Variants in NRXN3 observed in about 807,000 individuals in gnomAD.
NRXN3 encodes neurexin III.
In NRXN3, 32 loss-of-function variants were observed where a neutral mutation model predicts 137.6. That is an observed-to-expected ratio of 0.23 (90% CI 0.18 to 0.31). The LOEUF (loss-of-function observed/expected upper bound fraction) is 0.31. NRXN3 is among the 10% of genes least tolerant of loss of function. NRXN3 has a pLI of 1.00. For missense variants in NRXN3, 1,574 were observed against 2,062.5 expected (o/e 0.76, Z 4.59); for synonymous variants, 798 against 784.5 (o/e 1.02, Z -0.29).
chr14:78,814,170 C>G lies in NRXN3; in HGVS notation c.2275+3826C>G, dbSNP rs1398720138. Among the ~76,000 whole-genome samples, 3 of 152,150 alleles carry G rather than the reference C, an allele frequency of 2.0e-5. No homozygotes were observed. The East Asian group carries it at 5.8e-4, about 29-fold the overall frequency. ...GTCTTTGGTTGAATCAAGTTTGTTG[C>G]TGAATTTGATTCATCTGGCGGGAAT... On this transcript the variant is annotated intron_variant, in intron 10 of 20. Coordinates refer to ENST00000335750, the MANE Select transcript of NRXN3 (RefSeq NM_001330195.2).
chr14:79,468,540 A>G (rs2096459276), intron 16 of NRXN3, among the ~76,000 whole-genome samples: 2 of 152,244 alleles, frequency 1.3e-5, no homozygotes, highest in Middle Eastern at 3.2e-3. Context: ...AGGAACATTG[A>G]TTAGGAATCT....
intron 15 of NRXN3, among the ~76,000 whole-genome samples, chr14:79,297,378 C>A (rs2084360369): frequency 6.6e-6 from 1 of 152,032 alleles, no homozygotes; most frequent in Non-Finnish European, 1.5e-5. Context: ...ATGTCCCATG[C>A]AATATTTGGA....
At chr14:78,652,740 C>A (rs1276840845) in intron 6 of NRXN3, among the ~76,000 whole-genome samples, 1 of 152,212 alleles carries the variant, frequency 6.6e-6, no homozygotes, top group Non-Finnish European at 1.5e-5. Flanking sequence ...AGGCATGGCA[C>A]ATAGTAGATG....
intron 4 of NRXN3, among the ~76,000 whole-genome samples, chr14:78,381,669 G>T (rs2153631424): frequency 6.6e-6 from 1 of 152,210 alleles, no homozygotes; most frequent in South Asian, 2.1e-4. Context: ...GCCCCAAACT[G>T]GAGATAACCC....
At chr14:78,216,383 A>G (rs2063284305) in intron 1 of NRXN3, among the ~76,000 whole-genome samples, 1 of 152,118 alleles carries the variant, frequency 6.6e-6, no homozygotes, top group Admixed American at 6.5e-5. Flanking sequence ...CATTGCTCAG[A>G]TGAGTAAACT....
At position 79,186,151 on chromosome 14, in the gene NRXN3, C is replaced by T. The variant is rs934348486; in HGVS notation, c.3262+198010C>T. On this transcript the variant is annotated intron_variant, in intron 15 of 20. Coordinates refer to ENST00000335750, the MANE Select transcript of NRXN3 (RefSeq NM_001330195.2). ...ATTTGCCTGGCATACCTTAAGCACT[C>T]AGTAAATTATAGCCATTCTATTTTA... Among the ~76,000 whole-genome samples, 4 of 151,982 alleles carry T rather than the reference C, an allele frequency of 2.6e-5. No individual in the cohort carries two copies. The East Asian group carries it at 5.8e-4, about 22-fold the overall frequency.
intron 8 of NRXN3, among the ~76,000 whole-genome samples, chr14:78,783,954 A>G (rs552109787): frequency 1.3e-5 from 2 of 151,944 alleles, no homozygotes; most frequent in Admixed American, 6.6e-5. Flanking sequence ...TAGAGCATCT[A>G]CTATGGACCA....
chr14:79,807,314 C>G (rs1361722357), intron 20 of NRXN3, among the ~76,000 whole-genome samples: 1 of 151,944 alleles, frequency 6.6e-6, no homozygotes. Flanking sequence ...TAAGGCTTAT[C>G]AAAATTGAGG....
chr14:78,538,520 C>G (rs983369100), intron 4 of NRXN3, among the ~76,000 whole-genome samples: 2 of 152,116 alleles, frequency 1.3e-5, no homozygotes, highest in Admixed American at 6.5e-5. Flanking sequence ...TGGGCTGAGA[C>G]GATGGGGTTT....
chr14:78,892,507 G>T (rs2099161838), intron 10 of NRXN3, among the ~76,000 whole-genome samples: 2 of 151,818 alleles, frequency 1.3e-5, no homozygotes, highest in East Asian at 1.9e-4. Context: ...GGCAGTCATT[G>T]AAGGTTTCTG....
chr14:79,265,812 A>G (rs2078380763), intron 15 of NRXN3, among the ~76,000 whole-genome samples: 1 of 152,184 alleles, frequency 6.6e-6, no homozygotes, highest in Non-Finnish European at 1.5e-5. Flanking sequence ...GGGCTAAGAT[A>G]TATGCCTGCT....
At chr14:78,234,518 A>G (rs1020191874) in intron 1 of NRXN3, among the ~76,000 whole-genome samples, 8 of 152,196 alleles carry the variant, frequency 5.3e-5, no homozygotes, top group Admixed American at 3.9e-4. Flanking sequence ...ATTTGAACCC[A>G]GGAAGTCTGG....
intron 19 of NRXN3, among the ~76,000 whole-genome samples, chr14:79,751,932 A>G (rs988630103): frequency 1.3e-5 from 2 of 152,144 alleles, no homozygotes; most frequent in Non-Finnish European, 2.9e-5. Context: ...CCACTCGATC[A>G]TGGTGGATAA....
rs118191719 is a variant in NRXN3, at chr14:79,839,700, C to T, written c.4094-21642C>T. 2.2e-3 allele frequency among the ~76,000 whole-genome samples: 336 copies of T among 152,184 alleles called. 13 individuals are homozygous for T. The East Asian group carries it at 0.044, about 20-fold the overall frequency. On this transcript the variant is annotated intron_variant, in intron 20 of 20. Transcript: ENST00000335750. Reference sequence around the variant, plus strand: ...GTTGCTTATGCCTTTAAGGTCTTATCCCCCCAAAAATCTTTGCCCATACCA... The same window carrying T: ...GTTGCTTATGCCTTTAAGGTCTTATTCCCCCAAAAATCTTTGCCCATACCA...
chr14:78,432,747 G>C (rs2093934143), intron 4 of NRXN3, among the ~76,000 whole-genome samples: 1 of 152,174 alleles, frequency 6.6e-6, no homozygotes, highest in African/African-American at 2.4e-5. Flanking sequence ...AGACTGGCAG[G>C]TATACCTGAC....
chr14:78,668,920 C>CTATG (rs1282479252), intron 6 of NRXN3, among the ~76,000 whole-genome samples: 1 of 140,494 alleles, frequency 7.1e-6, no homozygotes, highest in East Asian at 2.1e-4. Flanking sequence ...ATATTAAACT[C>CTATG]TATCTATCTA....
chr14:79,675,380 T>C (rs2098635160), intron 17 of NRXN3, among the ~76,000 whole-genome samples: 1 of 152,092 alleles, frequency 6.6e-6, no homozygotes, highest in Admixed American at 6.6e-5. Flanking sequence ...AGACAATACA[T>C]AAATGAATAG....
intron 8 of NRXN3, among the ~76,000 whole-genome samples, chr14:78,796,602 G>A (rs1205380396): frequency 6.6e-6 from 1 of 152,162 alleles, no homozygotes; most frequent in Non-Finnish European, 1.5e-5. Flanking sequence ...GAATGAGAAA[G>A]CCCTGAAGAG....
In NRXN3 at chr14:78,795,594, C is replaced by A. The variant is rs551306060; in HGVS notation, c.2045-8026C>A. Among the ~76,000 whole-genome samples the A allele has an allele frequency of 5.1e-4, 73 of 142,986 alleles. 2 individuals carry two copies. In the South Asian group the frequency reaches 0.016, roughly 32 times the overall value. 93.8% of individuals were successfully genotyped at this position (142,986 alleles called of 152,430 possible). ...GATTAAATAAAATTAATTATATCCT[C>A]TAGAAATAGAAATGGGCTTACTATG... is the stretch of plus-strand genomic sequence containing the variant. On this transcript the variant is annotated intron_variant, in intron 8 of 20. Transcript: ENST00000335750.
Sources: gnomAD v4.1 joint callset for allele counts (sites outside exome capture counted in the v4.1 genomes callset) on GRCh38, gnomAD v4.1.1 for gene constraint, MANE v1.5 for transcripts, NCBI Gene and HGNC (gene_info 2026-07-23, HGNC 2026-07-21) for gene names.